PRTFDC1: variants seen among roughly 807,000 people sequenced by gnomAD.
PRTFDC1 encodes phosphoribosyltransferase domain-containing protein 1.
Under a neutral mutation model 34.6 loss-of-function variants are expected in PRTFDC1, and 38 were observed. The observed-to-expected ratio is 1.10, with a 90% CI of 0.85 to 1.44. The LOEUF (loss-of-function observed/expected upper bound fraction) is 1.44. Ranked by LOEUF, PRTFDC1 falls within the 40% of genes most tolerant of loss-of-function variation. The pLI, the probability that PRTFDC1 is intolerant of heterozygous loss-of-function variation, is 0.00. For synonymous variants in PRTFDC1, 93 were observed against 98.1 expected (o/e 0.95, Z 0.31); for missense variants, 270 against 283.0 (o/e 0.95, Z 0.33).
chr10:24,930,186 CA>C (rs1279156106), intron 3 of PRTFDC1, among the ~76,000 whole-genome samples: 1 of 152,070 alleles, frequency 6.6e-6, no homozygotes, highest in Non-Finnish European at 1.5e-5. Context: ...GCCTGAAGCT[CA>C]AGGTTCTTTC....
intron 3 of PRTFDC1, among the ~76,000 whole-genome samples, chr10:24,922,864 G>A (rs375703118): frequency 2.6e-5 from 4 of 152,236 alleles, no homozygotes; most frequent in African/African-American, 9.6e-5. Context: ...GGAAGCACAA[G>A]GAGTTGGGTG....
intron 3 of PRTFDC1, among the ~76,000 whole-genome samples, chr10:24,920,745 G>T (rs1848776236): frequency 6.6e-6 from 1 of 151,914 alleles, no homozygotes; most frequent in Admixed American, 6.6e-5. Context: ...GATGTATTCT[G>T]CATAGAGTAG....
At chr10:24,945,216 C>T (rs920978390) in intron 1 of PRTFDC1, among the ~76,000 whole-genome samples, 6 of 152,180 alleles carry the variant, frequency 3.9e-5, no homozygotes, top group Admixed American at 3.3e-4. Context: ...GAGACTTTTT[C>T]TGATTCATTG....
chr10:24,879,017 A>G (rs1848019585), intron 3 of PRTFDC1, among the ~76,000 whole-genome samples: 1 of 152,204 alleles, frequency 6.6e-6, no homozygotes, highest in Admixed American at 6.5e-5. Context: ...GAGATGCAAA[A>G]CAGAGTCAGA....
intron 1 of PRTFDC1, among the ~76,000 whole-genome samples, chr10:24,944,642 G>C (rs1387645313): frequency 6.6e-6 from 1 of 152,058 alleles, no homozygotes; most frequent in Non-Finnish European, 1.5e-5. Context: ...AATTAGCCAG[G>C]CAAGGTGGTG....
intron 3 of PRTFDC1, among the ~76,000 whole-genome samples, chr10:24,876,828 C>CCCCAA (rs952863092): frequency 6.1e-5 from 9 of 147,994 alleles, no homozygotes; most frequent in Non-Finnish European, 1.2e-4. Flanking sequence ...TTCTTCTTTC[C>CCCCAA]CCCAACCCCC....
chr10:24,875,764 CATTAATTAATCTAACATGTCCA>C (rs1847951868), intron 3 of PRTFDC1, among the ~76,000 whole-genome samples: 3 of 151,076 alleles, frequency 2.0e-5, no homozygotes, highest in Admixed American at 2.0e-4. Context: ...TCTACTTCAA[CATTAATTAATCTAACATGTCCA>C]ATTAATTAAT....
At chr10:24,903,749 G>A (rs558777298) in intron 3 of PRTFDC1, among the ~76,000 whole-genome samples, 1 of 151,344 alleles carries the variant, frequency 6.6e-6, no homozygotes, top group Admixed American at 6.6e-5. Flanking sequence ...TGTCATCTAG[G>A]CTGTAGTGCA....
At chr10:24,850,081 G>C (rs1022212599) in intron 8 of PRTFDC1, among the ~76,000 whole-genome samples, 190 bp from the exon 9 acceptor site, 5 of 152,146 alleles carry the variant, frequency 3.3e-5, no homozygotes, top group Non-Finnish European at 7.3e-5. Context: ...GTCCTTTGTG[G>C]TTTAGTTTGG....
Position 24,952,542 on chromosome 10 carries a change from C to T in PRTFDC1, c.34G>A (p.Gly12Arg), listed in dbSNP as rs1319920956. The change falls in exon 1 of 9, where the codon GGG (glycine) becomes AGG (arginine). Residue 12 changes from glycine to arginine, a missense_variant. Transcript: ENST00000320152. The surrounding 1 kb of genome is among the most constrained non-coding windows in gnomAD (Gnocchi z 5.1). ...TTTGCATTTACCACGACGCCTCGCC[C>T]GTAGTCTGGCGCCTCCTCGCTGCTC... ...AGSSEEAPDY[G>R]RGVVIMDDWP... The T allele has an allele frequency of 5.0e-6, 8 of 1,590,638 alleles. No individual in the cohort carries two copies. The highest frequency in any genetic ancestry group is 3.3e-4 in the Middle Eastern group (2 of 6,032).
chr10:24,948,169 T>C (rs535711776), intron 1 of PRTFDC1, among the ~76,000 whole-genome samples: 1 of 152,300 alleles, frequency 6.6e-6, no homozygotes, highest in East Asian at 1.9e-4. Context: ...AAGCCAGCCA[T>C]AACAGAAACA....
intron 3 of PRTFDC1, among the ~76,000 whole-genome samples, chr10:24,876,902 G>C (rs1400746296): frequency 6.9e-6 from 1 of 145,116 alleles, no homozygotes; most frequent in East Asian, 2.1e-4. Flanking sequence ...CTGGAGTCTA[G>C]GGCTCCCCTG....
intron 1 of PRTFDC1, among the ~76,000 whole-genome samples, chr10:24,946,586 C>A (rs1328872400): frequency 2.6e-5 from 4 of 152,178 alleles, no homozygotes; most frequent in East Asian, 3.9e-4. Flanking sequence ...AGCCATGAGA[C>A]CTTGGGCATA....
intron 3 of PRTFDC1, among the ~76,000 whole-genome samples, chr10:24,917,549 T>C (rs1564312116): frequency 6.6e-6 from 1 of 152,226 alleles, no homozygotes; most frequent in Non-Finnish European, 1.5e-5. Flanking sequence ...CGCTCTATTT[T>C]CTTGGGGTTC....
chr10:24,884,466 T>G (rs1319679409), intron 3 of PRTFDC1, among the ~76,000 whole-genome samples: 1 of 152,172 alleles, frequency 6.6e-6, no homozygotes, highest in Non-Finnish European at 1.5e-5. Context: ...AAAATATTTC[T>G]GAAGATTCCC....
intron 3 of PRTFDC1, among the ~76,000 whole-genome samples, chr10:24,919,828 A>G (rs1473883615): frequency 1.3e-5 from 2 of 152,162 alleles, no homozygotes; most frequent in Non-Finnish European, 2.9e-5. Flanking sequence ...ATGAACAGAC[A>G]CTTCTCAAAA....
At chr10:24,866,451 C>T (rs886616224) in intron 4 of PRTFDC1, among the ~76,000 whole-genome samples, 2 of 151,118 alleles carry the variant, frequency 1.3e-5, no homozygotes, top group Non-Finnish European at 2.9e-5. Context: ...ACCTGCACAT[C>T]TGTGTTTTCA....
At chr10:24,858,981 C>A (rs1431017076) in intron 4 of PRTFDC1, among the ~76,000 whole-genome samples, 1 of 152,162 alleles carries the variant, frequency 6.6e-6, no homozygotes, top group East Asian at 1.9e-4. Context: ...TTGCAACAAG[C>A]TCTCAAGGCA....
intron 3 of PRTFDC1, among the ~76,000 whole-genome samples, chr10:24,897,775 G>C (rs1464257751): frequency 2.6e-5 from 4 of 152,194 alleles, no homozygotes; most frequent in African/African-American, 9.7e-5. Flanking sequence ...TTTCTTTCAT[G>C]AATGACTGTC....
Sources: gnomAD v4.1 joint callset for allele counts (sites outside exome capture counted in the v4.1 genomes callset) on GRCh38, gnomAD v4.1.1 for gene constraint, Gnocchi (gnomAD v3.1) non-coding constraint, MANE v1.5 for transcripts, NCBI Gene and HGNC (gene_info 2026-07-23, HGNC 2026-07-21) for gene names.